NUP210L: variants seen among roughly 807,000 people sequenced by gnomAD.
NUP210L encodes the protein nucleoporin 210 like, also known as nuclear pore membrane glycoprotein 210-like.
In NUP210L, 74 loss-of-function variants were observed where a neutral mutation model predicts 208.5. The observed-to-expected ratio is 0.35, with a 90% CI of 0.29 to 0.43. NUP210L has a LOEUF of 0.43. Among genes scored for constraint, NUP210L ranks in the 20% least tolerant of loss-of-function variants. The pLI, the probability that NUP210L is intolerant of heterozygous loss-of-function variation, is 1.00. For missense variants in NUP210L, 1,843 were observed against 2,289.4 expected, an observed-to-expected ratio of 0.81 and a Z score of 3.98; for synonymous variants, 780 against 816.9, an observed-to-expected ratio of 0.95 and a Z score of 0.77.
intron 3 of NUP210L, 62 bp from the exon 4 acceptor site, chr1:154,141,586 A>C: frequency 9.9e-7 from 1 of 1,012,486 alleles, no homozygotes; most frequent in Non-Finnish European, 1.6e-6. Flanking sequence ...TCAGGTATTT[A>C]CAACAAGAAA....
intron 12 of NUP210L, among the ~76,000 whole-genome samples, chr1:154,107,620 C>T (rs1223336858): frequency 2.0e-5 from 3 of 152,168 alleles, no homozygotes; most frequent in Non-Finnish European, 2.9e-5. Flanking sequence ...AATCCCAGCA[C>T]TTTGGGAGGC....
intron 35 of NUP210L, among the ~76,000 whole-genome samples, chr1:154,006,817 C>CATATATAT (rs376666558): frequency 1.4e-3 from 156 of 114,660 alleles, no homozygotes; most frequent in African/African-American, 4.9e-3. Context: ...CTTACCATGC[C>CATATATAT]ATATATATAT....
chr1:154,080,991 AAAGAAAAAAAAAG>A (rs1655292760), intron 16 of NUP210L, among the ~76,000 whole-genome samples: 3 of 150,944 alleles, frequency 2.0e-5, no homozygotes, highest in Non-Finnish European at 3.0e-5. Context: ...AAAAAAAAGA[AAAGAAAAAAAAAG>A]AAAAGAAAAA....
At chr1:154,117,241 T>C (rs6692942) in intron 12 of NUP210L, among the ~76,000 whole-genome samples, 1,914 of 152,292 alleles carry the variant, frequency 0.013, 49 homozygotes, top group African/African-American at 0.044. Flanking sequence ...AATAAGTGAC[T>C]ATTAAGTGAA....
At chr1:154,149,529 CACT>C (rs1308016573) in intron 2 of NUP210L, among the ~76,000 whole-genome samples, 2 of 152,002 alleles carry the variant, frequency 1.3e-5, no homozygotes, top group African/African-American at 4.8e-5. Context: ...TGAGCAACCC[CACT>C]ACCATAGTCT....
intron 27 of NUP210L, among the ~76,000 whole-genome samples, chr1:154,036,928 A>G (rs1304841927): frequency 2.0e-5 from 3 of 151,770 alleles, no homozygotes; most frequent in Non-Finnish European, 4.4e-5. Flanking sequence ...ACACCCAGCT[A>G]ATTTTTGTAC....
At chr1:154,136,333 T>G (rs948763051) in intron 6 of NUP210L, among the ~76,000 whole-genome samples, 2 of 151,966 alleles carry the variant, frequency 1.3e-5, no homozygotes, top group Non-Finnish European at 2.9e-5. Context: ...GTGCCTGTAA[T>G]CCCAGCTACT....
intron 17 of NUP210L, 147 bp from the exon 18 acceptor site, chr1:154,061,821 A>C: frequency 1.6e-6 from 1 of 632,764 alleles, no homozygotes; most frequent in South Asian, 1.8e-5. Flanking sequence ...ATACATAAGA[A>C]AAAACTGTTT....
chr1:154,022,987 A>C (rs1171604830), intron 31 of NUP210L, 135 bp downstream of exon 31: 7 of 948,074 alleles, frequency 7.4e-6, no homozygotes, highest in Non-Finnish European at 1.1e-5. Flanking sequence ...CACTTAAAAA[A>C]ATTTTTTTTA....
intron 16 of NUP210L, among the ~76,000 whole-genome samples, chr1:154,088,765 A>C (rs1655751601): frequency 1.3e-5 from 2 of 152,212 alleles, no homozygotes; most frequent in South Asian, 4.1e-4. Flanking sequence ...TCTCATCCAG[A>C]AAATGGGAAT....
At chr1:154,141,357 G>C in intron 4 of NUP210L, 74 bp downstream of exon 4, 1 of 906,754 alleles carries the variant, frequency 1.1e-6, no homozygotes, top group Non-Finnish European at 1.9e-6. Flanking sequence ...ACAAATGGTT[G>C]CTTGTTCAGC....
chr1:154,111,648 T>C (rs1038644558), intron 12 of NUP210L, among the ~76,000 whole-genome samples: 2 of 151,234 alleles, frequency 1.3e-5, no homozygotes, highest in African/African-American at 4.9e-5. Flanking sequence ...GCAATAAAAG[T>C]CTCCCAGCAA....
intron 7 of NUP210L, among the ~76,000 whole-genome samples, chr1:154,129,607 C>T (rs1658145703): frequency 6.6e-6 from 1 of 152,172 alleles, no homozygotes; most frequent in African/African-American, 2.4e-5. Context: ...ATGCTTTGTG[C>T]TTTTAATATT....
intron 37 of NUP210L, among the ~76,000 whole-genome samples, chr1:153,998,916 G>C (rs981829359): frequency 6.6e-6 from 1 of 151,774 alleles, no homozygotes; most frequent in African/African-American, 2.4e-5. Context: ...AGGTCTTGCT[G>C]TGTTGCTTAG....
At chr1:154,121,209 T>A (rs896060323) in intron 10 of NUP210L, among the ~76,000 whole-genome samples, 7 of 152,196 alleles carry the variant, frequency 4.6e-5, no homozygotes, top group African/African-American at 1.7e-4. Flanking sequence ...ACCTAAAGCT[T>A]TGCCTTCTCT....
chr1:154,028,724 G>C (rs141079841), intron 28 of NUP210L, among the ~76,000 whole-genome samples: 37 of 152,288 alleles, frequency 2.4e-4, no homozygotes, highest in African/African-American at 7.9e-4. Context: ...GTTGAAGGGA[G>C]TGTGTGTGCT....
chr1:154,048,102 G>A (rs1312844224), intron 25 of NUP210L, among the ~76,000 whole-genome samples: 1 of 152,174 alleles, frequency 6.6e-6, no homozygotes, highest in Non-Finnish European at 1.5e-5. Context: ...AGAGGTGAAA[G>A]AGCAGGTTTG....
At chr1:154,125,647 A>AAGGG (rs1657870433) in intron 10 of NUP210L, among the ~76,000 whole-genome samples, 1 of 1,360 alleles carries the variant, frequency 7.4e-4, no homozygotes, top group Admixed American at 5.2e-3. Context: ...GGAAGGAAGG[A>AAGGG]AGGAAGGAAG....
intron 16 of NUP210L, among the ~76,000 whole-genome samples, chr1:154,086,828 AG>A (rs1191991725): frequency 2.0e-5 from 3 of 152,090 alleles, no homozygotes; most frequent in African/African-American, 7.2e-5. Context: ...AAAAAAAAAA[AG>A]TAAAAGATAA....
Sources: allele counts gnomAD v4.1 joint callset (sites outside exome capture counted in the v4.1 genomes callset), GRCh38; gene constraint gnomAD v4.1.1; transcripts MANE v1.5; gene names NCBI Gene and HGNC (gene_info 2026-07-23, HGNC 2026-07-21).